The following HHIP variants were observed in gnomAD, a reference collection of about 807,000 sequenced individuals.
HHIP encodes hedgehog interacting protein, also known as hedgehog-interacting protein.
A neutral mutation model predicts 74.0 loss-of-function variants in HHIP; 12 were observed. The ratio of observed to expected loss-of-function variants is 0.16; its 90% CI spans 0.10 to 0.26. The LOEUF (loss-of-function observed/expected upper bound fraction) is 0.26, where lower values mean the gene tolerates loss of function less well. HHIP is among the 10% of genes least tolerant of loss of function. The probability of loss-of-function intolerance (pLI) is 1.00; values close to 1 mark genes in which losing one functional copy is unlikely to be tolerated. For synonymous variants in HHIP, 309 were observed against 311.6 expected, an observed-to-expected ratio of 0.99 and a Z score of 0.09; for missense variants, 788 against 845.0, an observed-to-expected ratio of 0.93 and a Z score of 0.84.
At chr4:144,665,402 G>A (rs1728833823) in intron 4 of HHIP, among the ~76,000 whole-genome samples, 1 of 152,146 alleles carries the variant, frequency 6.6e-6, no homozygotes, top group African/African-American at 2.4e-5. Context: ...TAATATCAAT[G>A]TAGTAATGGC....
intron 10 of HHIP, among the ~76,000 whole-genome samples, chr4:144,717,676 A>T (rs899803422): frequency 2.0e-5 from 3 of 152,150 alleles, no homozygotes; most frequent in African/African-American, 7.2e-5. Context: ...GTATTTCATC[A>T]TTATGAACAC....
rs12507427 is a variant in HHIP, at chr4:144,646,319, T to A, written c.-357T>A. 75,053 of 206,872 alleles carry A rather than the reference T, an allele frequency of 0.36. 15,746 individuals are homozygous for A. Among genetic ancestry groups the A allele is most frequent in the South Asian group, 0.51 (4,438 of 8,686 alleles). The allele number at this position is 206,872 out of a possible 1,614,324, so 12.8% of individuals were successfully genotyped here. ...CTCCCGTTACACGGACAAGTGAACA[T>A]CTGTGGCTGTCCTCTCCTTTTCTTC... is the stretch of plus-strand genomic sequence containing the variant. On this transcript the variant is annotated 5_prime_UTR_variant, in exon 1 of 13. Transcript: ENST00000296575.
In HHIP at chr4:144,724,694, A is replaced by G. The variant is rs1234399149; in HGVS notation, c.1760+5738A>G. ...TATATATATATATTTATATATATATATAAGTATATATATATGTATGTATGC... is the reference window on the plus strand; with the variant it reads ...TATATATATATATTTATATATATATGTAAGTATATATATATGTATGTATGC... On this transcript the variant is annotated intron_variant, in intron 11 of 12. Transcript: ENST00000296575. Among the ~76,000 whole-genome samples the G allele has an allele frequency of 4.1e-5, 4 of 97,890 alleles. No homozygotes were observed. The East Asian group carries it at 8.0e-4, about 20-fold the overall frequency. The allele number at this position is 97,890 out of a possible 152,430, so 64.2% of individuals were successfully genotyped here.
intron 11 of HHIP, among the ~76,000 whole-genome samples, chr4:144,723,527 A>C (rs1265055223): frequency 6.6e-6 from 1 of 152,214 alleles, no homozygotes; most frequent in Non-Finnish European, 1.5e-5. Context: ...ATCCTAAAGA[A>C]AGTTACACAT....
chr4:144,651,940 GA>G (rs1013633702), intron 1 of HHIP, among the ~76,000 whole-genome samples: 5 of 151,946 alleles, frequency 3.3e-5, no homozygotes, highest in Non-Finnish European at 5.9e-5. Flanking sequence ...TAACATACCT[GA>G]GGACCTAGTT....
intron 1 of HHIP, chr4:144,650,656 T>A (rs1490916893): frequency 6.6e-6 from 1 of 152,070 alleles, no homozygotes; most frequent in Non-Finnish European, 1.5e-5. Flanking sequence ...TATCTTCAAA[T>A]AGGTATTTAC....
intron 10 of HHIP, chr4:144,715,661 T>C: frequency 3.3e-6 from 1 of 304,260 alleles, no homozygotes; most frequent in Non-Finnish European, 6.0e-6. Context: ...TACCAAAATA[T>C]AAGGCAGAAA....
At chr4:144,652,850 A>G (rs1728461757) in intron 2 of HHIP, 53 bp downstream of exon 2, 1 of 1,189,500 alleles carries the variant, frequency 8.4e-7, no homozygotes, top group East Asian at 2.6e-5. Flanking sequence ...TATCCTTGTA[A>G]GATACTTGTA....
intron 4 of HHIP, among the ~76,000 whole-genome samples, chr4:144,691,229 T>G (rs921951006): frequency 2.0e-5 from 3 of 152,180 alleles, no homozygotes; most frequent in Non-Finnish European, 2.9e-5. Context: ...CCACCAGATA[T>G]CTGGATTTCT....
intron 4 of HHIP, among the ~76,000 whole-genome samples, chr4:144,679,655 T>C (rs1578694099): frequency 1.3e-5 from 2 of 152,204 alleles, no homozygotes; most frequent in East Asian, 3.8e-4. Flanking sequence ...CTTGTTTTCA[T>C]CCGGTTTGTC....
intron 8 of HHIP, 84 bp from the exon 9 acceptor site, chr4:144,714,141 A>T: frequency 8.4e-7 from 1 of 1,187,092 alleles, no homozygotes; most frequent in Non-Finnish European, 1.2e-6. Context: ...GAGTTAAATT[A>T]CTATAGTAAT....
chr4:144,714,606 A>G (rs1187695842), intron 9 of HHIP, among the ~76,000 whole-genome samples: 2 of 152,274 alleles, frequency 1.3e-5, no homozygotes, highest in East Asian at 1.9e-4. Context: ...TGGACTTTTC[A>G]TATTATTTAG....
In HHIP at chr4:144,670,351, C is replaced by CT. The variant is rs367781812; in HGVS notation, c.831+10515dup. ...TGGTGCGTGCCTGCAATCCCAGCTA[C>CT]TTGGGAGGTTGAGGCAGTAGAATCA... is the stretch of plus-strand genomic sequence containing the variant. On this transcript the variant is annotated intron_variant, in intron 4 of 12. Coordinates refer to ENST00000296575, the MANE Select transcript of HHIP (RefSeq NM_022475.3). Among the ~76,000 whole-genome samples the CT allele has an allele frequency of 4.8e-4, 72 of 150,112 alleles. 1 individual carries two copies. Among genetic ancestry groups the CT allele is most frequent in the African/African-American group, 1.7e-3 (70 of 40,802 alleles).
At chr4:144,725,052 T>G (rs186454976) in intron 11 of HHIP, among the ~76,000 whole-genome samples, 33 of 152,276 alleles carry the variant, frequency 2.2e-4, no homozygotes, top group African/African-American at 7.5e-4. Context: ...CACTATCTCT[T>G]GTAGGACAAT....
chr4:144,674,299 A>T (rs930193795), intron 4 of HHIP, among the ~76,000 whole-genome samples: 6 of 152,198 alleles, frequency 3.9e-5, no homozygotes, highest in Non-Finnish European at 7.3e-5. Context: ...AACTTCTAGC[A>T]ATTTTTTAAA....
chr4:144,673,356 A>G (rs1173974060), intron 4 of HHIP, among the ~76,000 whole-genome samples: 1 of 152,238 alleles, frequency 6.6e-6, no homozygotes, highest in Non-Finnish European at 1.5e-5. Context: ...TCAGTACATT[A>G]GCAACATAGG....
At chr4:144,676,345 G>A (rs964815613) in intron 4 of HHIP, among the ~76,000 whole-genome samples, 1 of 152,152 alleles carries the variant, frequency 6.6e-6, no homozygotes, top group African/African-American at 2.4e-5. Flanking sequence ...AATAAAGTTA[G>A]AATAAAATGT....
chr4:144,731,768 A>G (rs1446625525), intron 11 of HHIP, among the ~76,000 whole-genome samples: 3 of 152,194 alleles, frequency 2.0e-5, no homozygotes, highest in Non-Finnish European at 4.4e-5. Context: ...GGATTTTCCT[A>G]GTTCCTATGA....
rs976529779 is a variant in HHIP, at chr4:144,738,777, C to T, written c.*820C>T. ...TGTAAAACACTAAAGTTACATTTTTCACCAACTTAATTGGAAAGAAGGGGA... is the reference window on the plus strand; with the variant it reads ...TGTAAAACACTAAAGTTACATTTTTTACCAACTTAATTGGAAAGAAGGGGA... On this transcript the variant is annotated 3_prime_UTR_variant, in exon 13 of 13. Coordinates refer to ENST00000296575, the MANE Select transcript of HHIP (RefSeq NM_022475.3). 1.3e-6 allele frequency: 1 copy of T among 756,304 alleles called. No homozygotes were observed. Among genetic ancestry groups the T allele is most frequent in the Non-Finnish European group, 1.6e-6 (1 of 620,752 alleles). The allele number at this position is 756,304 out of a possible 1,614,324, so 46.8% of individuals were successfully genotyped here.
Sources: gnomAD v4.1 joint callset for allele counts (sites outside exome capture counted in the v4.1 genomes callset) on GRCh38, gnomAD v4.1.1 for gene constraint, MANE v1.5 for transcripts, NCBI Gene and HGNC (gene_info 2026-07-23, HGNC 2026-07-21) for gene names.